The following LARGE1 variants were observed in gnomAD, a reference collection of about 807,000 sequenced individuals.
LARGE1 encodes xylosyl- and glucuronyltransferase LARGE1.
Under a neutral mutation model 87.6 loss-of-function variants are expected in LARGE1, and 43 were observed. That is an observed-to-expected ratio of 0.49 (90% CI 0.38 to 0.63). The LOEUF is 0.63. Among genes scored for constraint, LARGE1 ranks in the 30% least tolerant of loss-of-function variants. The pLI, the probability that LARGE1 is intolerant of heterozygous loss-of-function variation, is 0.00. For missense variants in LARGE1, 802 were observed against 1,000.2 expected, an observed-to-expected ratio of 0.80 and a Z score of 2.67; for synonymous variants, 434 against 394.6, an observed-to-expected ratio of 1.10 and a Z score of -1.18.
chr22:33,641,729 T>C (rs1012240951), intron 3 of LARGE1, among the ~76,000 whole-genome samples: 1 of 152,114 alleles, frequency 6.6e-6, no homozygotes, highest in Admixed American at 6.5e-5. Flanking sequence ...ACGAGAACTT[T>C]GTGAAGCATA....
chr22:33,829,340 C>T (rs2062898718), intron 1 of LARGE1, among the ~76,000 whole-genome samples: 1 of 151,938 alleles, frequency 6.6e-6, no homozygotes, highest in Non-Finnish European at 1.5e-5. Context: ...CAGCATCATC[C>T]CACCCTTCAC....
chr22:33,804,852 C>T (rs1283034355), intron 1 of LARGE1, among the ~76,000 whole-genome samples: 2 of 152,196 alleles, frequency 1.3e-5, no homozygotes, highest in East Asian at 1.9e-4. Context: ...CAGTCAGGTT[C>T]ACGGCTTTCA....
rs544156515 is a variant in LARGE1, at chr22:33,783,200, T to G, written c.-82-21642A>C. ...TGGATCTGTTTCTCTCTCATCAGAG[T>G]GATGAGAGTCTCTTTGAGCACTATG... On this transcript the variant is annotated intron_variant, in intron 1 of 14. Transcript: ENST00000397394. Among the ~76,000 whole-genome samples the G allele has an allele frequency of 6.6e-5, 10 of 151,452 alleles. No individual in the cohort carries two copies. In the South Asian group the frequency reaches 1.9e-3, roughly 28 times the overall value.
intron 7 of LARGE1, among the ~76,000 whole-genome samples, chr22:33,405,427 G>A (rs922546116): frequency 1.3e-5 from 2 of 152,110 alleles, no homozygotes; most frequent in African/African-American, 2.4e-5. Context: ...TTCAGATCTC[G>A]GCTAAACTGT....
At chr22:33,394,118 CAAT>C (rs982595473) in intron 7 of LARGE1, among the ~76,000 whole-genome samples, 5 of 146,076 alleles carry the variant, frequency 3.4e-5, no homozygotes, top group Non-Finnish European at 7.5e-5. Context: ...AACAGGGTGA[CAAT>C]GATGATAATA....
chr22:33,463,470 A>G (rs1156613054), intron 6 of LARGE1, among the ~76,000 whole-genome samples: 1 of 152,210 alleles, frequency 6.6e-6, no homozygotes, highest in East Asian at 1.9e-4. Flanking sequence ...CAAATAAAAT[A>G]ATAACAAATC....
chr22:33,552,888 C>T (rs1040206384), intron 6 of LARGE1, among the ~76,000 whole-genome samples: 3 of 152,144 alleles, frequency 2.0e-5, no homozygotes, highest in African/African-American at 7.2e-5. Flanking sequence ...TTGCTCCTAA[C>T]ATAATATTCC....
In LARGE1 at chr22:33,509,425, TAATAG is replaced by T. The variant is rs375655093; in HGVS notation, c.787+55418_787+55422del. Among the ~76,000 whole-genome samples the T allele has an allele frequency of 3.0e-3, 452 of 152,294 alleles. 2 individuals carry two copies. The highest frequency in any genetic ancestry group is 0.01 in the African/African-American group (435 of 41,570). ...TGCAAGGATGAAATGGTGTCATGTT[TAATAG>T]AGTCCTCTATGGAAAGAGGGATTTT... On this transcript the variant is annotated intron_variant, in intron 6 of 14. Transcript: ENST00000397394.
chr22:33,611,857 T>C (rs142233947), intron 4 of LARGE1, among the ~76,000 whole-genome samples: 16 of 152,288 alleles, frequency 1.1e-4, no homozygotes, highest in African/African-American at 3.6e-4. Flanking sequence ...CTTGGTGCTG[T>C]CCTCACAATA....
At chr22:33,103,581 AC>A in the LARGE1 span, among the ~76,000 whole-genome samples, 2 of 152,134 alleles carry the variant, frequency 1.3e-5, no homozygotes, top group Non-Finnish European at 2.9e-5. Context: ...GGAAGAGGTA[AC>A]AACCATGTTG....
At chr22:33,627,898 C>A (rs535673861) in intron 3 of LARGE1, among the ~76,000 whole-genome samples, 1 of 152,312 alleles carries the variant, frequency 6.6e-6, no homozygotes, top group African/African-American at 2.4e-5. Context: ...CCTCACATCA[C>A]TCTACCGCTC....
intron 13 of LARGE1, among the ~76,000 whole-genome samples, chr22:33,278,959 C>T (rs1929903376): frequency 6.6e-6 from 1 of 152,170 alleles, no homozygotes; most frequent in African/African-American, 2.4e-5. Context: ...ACCTCATGAT[C>T]CGCCCGTCTT....
At chr22:33,845,554 C>CGCCT (rs1162504120) in intron 1 of LARGE1, among the ~76,000 whole-genome samples, 1 of 152,056 alleles carries the variant, frequency 6.6e-6, no homozygotes, top group African/African-American at 2.4e-5. Flanking sequence ...ATCATCTACC[C>CGCCT]GCCTCAGCCT....
intron 1 of LARGE1, among the ~76,000 whole-genome samples, chr22:33,857,136 C>T (rs542720731): frequency 4.3e-4 from 66 of 152,252 alleles, no homozygotes; most frequent in African/African-American, 1.5e-3. Flanking sequence ...AGACTGGTCT[C>T]GAACTCCTGG....
chr22:33,808,454 C>A (rs990198319), intron 1 of LARGE1, among the ~76,000 whole-genome samples: 6 of 151,852 alleles, frequency 4.0e-5, no homozygotes, highest in African/African-American at 1.5e-4. Context: ...CAGCCCCTCC[C>A]TGCCCCTACC....
At chr22:33,149,531 T>C in the LARGE1 span, among the ~76,000 whole-genome samples, 3 of 152,218 alleles carry the variant, frequency 2.0e-5, no homozygotes, top group Non-Finnish European at 2.9e-5. Context: ...AGATGTGTGT[T>C]TGTTTCCTAT....
At chr22:33,098,638 A>G in the LARGE1 span, among the ~76,000 whole-genome samples, 1 of 152,160 alleles carries the variant, frequency 6.6e-6, no homozygotes, top group South Asian at 2.1e-4. Flanking sequence ...TAAATAAATA[A>G]AAATAAAAAA....
the LARGE1 span, among the ~76,000 whole-genome samples, chr22:33,125,335 GA>G: frequency 6.6e-6 from 1 of 152,040 alleles, no homozygotes; most frequent in South Asian, 2.1e-4. Flanking sequence ...ACACATATGT[GA>G]AAAAAATTGA....
chr22:33,079,910 A>C, the LARGE1 span, among the ~76,000 whole-genome samples: 2 of 152,120 alleles, frequency 1.3e-5, no homozygotes, highest in African/African-American at 4.8e-5. Context: ...CAATGGCATC[A>C]TTGGCCTGGC....
Sources: allele counts gnomAD v4.1 joint callset (sites outside exome capture counted in the v4.1 genomes callset), GRCh38; gene constraint gnomAD v4.1.1; transcripts MANE v1.5; gene names NCBI Gene and HGNC (gene_info 2026-07-23, HGNC 2026-07-21).